The following FANK1 variants were observed in gnomAD, a reference collection of about 807,000 sequenced individuals.
The protein encoded by FANK1 is fibronectin type 3 and ankyrin repeat domains protein 1.
In FANK1, 44 loss-of-function variants were observed where a neutral mutation model predicts 45.3. The ratio of observed to expected loss-of-function variants is 0.97; its 90% CI spans 0.76 to 1.25. The LOEUF (loss-of-function observed/expected upper bound fraction) is 1.25, where lower values mean the gene tolerates loss of function less well. Ranked by LOEUF, FANK1 falls within the 50% of genes most tolerant of loss-of-function variation. The probability of loss-of-function intolerance (pLI) is 0.00; values close to 1 mark genes in which losing one functional copy is unlikely to be tolerated. For synonymous variants in FANK1, 149 were observed against 152.5 expected, an observed-to-expected ratio of 0.98 and a Z score of 0.17; for missense variants, 391 against 424.4, an observed-to-expected ratio of 0.92 and a Z score of 0.69.
intron 1 of FANK1, among the ~76,000 whole-genome samples, chr10:125,899,006 C>G (rs1186817898): frequency 6.6e-6 from 1 of 151,330 alleles, no homozygotes; most frequent in African/African-American, 2.4e-5. Context: ...GCAATCCTCT[C>G]ACCTGAGCCT....
chr10:125,917,251 G>C (rs918185364), intron 1 of FANK1, among the ~76,000 whole-genome samples: 1 of 152,218 alleles, frequency 6.6e-6, no homozygotes, highest in African/African-American at 2.4e-5. Context: ...GCGGAAGAAG[G>C]AAGTCCCCTC....
At chr10:125,941,594 G>C (rs1948456306) in intron 1 of FANK1, among the ~76,000 whole-genome samples, 4 of 152,214 alleles carry the variant, frequency 2.6e-5, no homozygotes, top group Non-Finnish European at 5.9e-5. Context: ...AAGAAACCAA[G>C]AATGTTCATA....
rs1401657596 is a variant in FANK1, at chr10:125,936,301, TC to T, written c.13+39647del. On this transcript the variant is annotated intron_variant, in intron 1 of 10. Transcript: ENST00000368693. The stretch of plus-strand genomic sequence containing the variant: ...AGTGATTTATTTTTTGTCCTTTTTT[TC>T]ATTCCTTAACTGAAATTTAAACATA... Among the ~76,000 whole-genome samples the T allele has an allele frequency of 2.0e-5, 3 of 152,146 alleles. No individual in the cohort carries two copies. The East Asian group carries it at 5.8e-4, about 29-fold the overall frequency.
At chr10:125,972,492 C>T (rs1258733487) in intron 1 of FANK1, among the ~76,000 whole-genome samples, 1 of 152,178 alleles carries the variant, frequency 6.6e-6, no homozygotes, top group African/African-American at 2.4e-5. Context: ...TGTCAAATTA[C>T]TCTAGGTTGG....
rs753915288 is a variant in FANK1 at position 125,980,222 on chromosome 10, T to G, written c.75T>G (p.Ile25Met). 6.2e-7 allele frequency: 1 copy of G among 1,614,122 alleles called. No homozygotes were observed. The highest frequency in any genetic ancestry group is 1.7e-5 in the Admixed American group (1 of 60,016). ...PVVGKVTHHS[I>M]ELYWDLEKKA... ...TGGGCAAAGTGACTCATCACAGCAT[T>G]GAATTATACTGGGATCTGGAAAAGA... Residue 25 changes from isoleucine (I) to methionine (M), a missense_variant, in exon 2 of 11, where the codon ATT (isoleucine) becomes ATG (methionine). By Grantham distance (10) the Ile-to-Met change is conservative (BLOSUM62 1). Coordinates refer to ENST00000368693, the MANE Select transcript of FANK1 (RefSeq NM_145235.5).
At chr10:125,927,668 G>A (rs147178846) in intron 1 of FANK1, among the ~76,000 whole-genome samples, 6 of 151,634 alleles carry the variant, frequency 4.0e-5, no homozygotes, top group East Asian at 1.9e-4. Flanking sequence ...TCCCTGCCTC[G>A]GCCTCCCAAG....
chr10:125,921,640 AC>A (rs1203081639), intron 1 of FANK1, among the ~76,000 whole-genome samples: 1 of 152,172 alleles, frequency 6.6e-6, no homozygotes, highest in African/African-American at 2.4e-5. Context: ...TTTAATAAAT[AC>A]AGGGGTATTC....
intron 1 of FANK1, among the ~76,000 whole-genome samples, chr10:125,949,570 C>T (rs1284755407): frequency 1.3e-5 from 2 of 149,648 alleles, no homozygotes; most frequent in Non-Finnish European, 1.5e-5. Flanking sequence ...ATGTGAAGGA[C>T]CTCTTCAAGG....
intron 7 of FANK1, 64 bp downstream of exon 7, chr10:126,005,113 G>T (rs1344577583): frequency 6.5e-7 from 1 of 1,542,592 alleles, no homozygotes; most frequent in East Asian, 2.3e-5. Flanking sequence ...GCTCCATGGG[G>T]TCTGGCAGAA....
intron 1 of FANK1, among the ~76,000 whole-genome samples, chr10:125,976,985 C>T (rs979419224): frequency 1.3e-5 from 2 of 151,816 alleles, no homozygotes; most frequent in African/African-American, 2.4e-5. Context: ...TTTATGCTGG[C>T]TATTCTATCC....
intron 1 of FANK1, among the ~76,000 whole-genome samples, chr10:125,954,034 T>G (rs1310648799): frequency 7.3e-6 from 1 of 136,286 alleles, no homozygotes; most frequent in Non-Finnish European, 1.7e-5. Context: ...AGGGAAGGGG[T>G]TTTTATCCCT....
chr10:125,989,348 G>A, intron 3 of FANK1: 1 of 1,551,204 alleles, frequency 6.4e-7, no homozygotes, highest in Non-Finnish European at 8.7e-7. Context: ...CCCACCCACT[G>A]AAAACACAGG....
At chr10:125,929,011 G>C (rs1038366113) in intron 1 of FANK1, among the ~76,000 whole-genome samples, 10 of 152,194 alleles carry the variant, frequency 6.6e-5, no homozygotes, top group African/African-American at 2.4e-4. Flanking sequence ...TCTTTTCCCT[G>C]AAGGTTCGAT....
chr10:125,908,297 T>C (rs1365355087), intron 1 of FANK1, among the ~76,000 whole-genome samples: 1 of 152,090 alleles, frequency 6.6e-6, no homozygotes, highest in East Asian at 1.9e-4. Context: ...TGCCTGGCCT[T>C]TTCTCATATG....
chr10:125,967,702 C>T (rs996661710), intron 1 of FANK1, among the ~76,000 whole-genome samples: 1 of 152,200 alleles, frequency 6.6e-6, no homozygotes, highest in African/African-American at 2.4e-5. Context: ...CTCCTGGGCT[C>T]AACTGATCCT....
In FANK1 at chr10:125,994,157, G is replaced by T. The variant is rs941067579; in HGVS notation, c.317-1260G>T. On this transcript the variant is annotated intron_variant, in intron 3 of 10. Transcript: ENST00000368693. ...GCCCCAGGAGGTGGCGTAGGGTGCA[G>T]TGGGGGAGGATGGGGTAAGAGGGAG... is the stretch of plus-strand genomic sequence containing the variant. Among the ~76,000 whole-genome samples, 20 of 150,980 alleles carry T rather than the reference G, an allele frequency of 1.3e-4. 1 individual carries two copies. Among genetic ancestry groups the T allele is most frequent in the Admixed American group, 1.2e-3 (18 of 15,142 alleles).
intron 3 of FANK1, among the ~76,000 whole-genome samples, chr10:125,992,840 G>T (rs763828185): frequency 1.3e-5 from 2 of 151,880 alleles, no homozygotes; most frequent in Non-Finnish European, 2.9e-5. Context: ...AGCACGTTTT[G>T]GAAGATTTTT....
At chr10:126,004,288 T>C (rs1306043450) in intron 6 of FANK1, 1 of 152,188 alleles carries the variant, frequency 6.6e-6, no homozygotes, top group Non-Finnish European at 1.5e-5. Flanking sequence ...CTTTTTTGAA[T>C]ATCATGGACT....
At chr10:125,902,652 A>G (rs74978204) in intron 1 of FANK1, among the ~76,000 whole-genome samples, 5 of 152,340 alleles carry the variant, frequency 3.3e-5, no homozygotes, top group Admixed American at 3.3e-4. Flanking sequence ...GATGTTTTAA[A>G]CGAGTCTCAT....
Sources: allele counts gnomAD v4.1 joint callset (sites outside exome capture counted in the v4.1 genomes callset), GRCh38; gene constraint gnomAD v4.1.1; transcripts MANE v1.5; gene names NCBI Gene and HGNC (gene_info 2026-07-23, HGNC 2026-07-21).